WDR7: variants seen among roughly 807,000 people sequenced by gnomAD.
WDR7 encodes the protein WD repeat domain 7, also known as WD repeat-containing protein 7.
A neutral mutation model predicts 169.4 loss-of-function variants in WDR7; 46 were observed. The observed-to-expected ratio is 0.27, with a 90% CI of 0.21 to 0.35. The LOEUF (loss-of-function observed/expected upper bound fraction) is 0.35, where lower values mean the gene tolerates loss of function less well. Among genes scored for constraint, WDR7 ranks in the 10% least tolerant of loss-of-function variants. The pLI, the probability that WDR7 is intolerant of heterozygous loss-of-function variation, is 1.00. For synonymous variants in WDR7, 612 were observed against 666.8 expected (o/e 0.92, Z 1.27); for missense variants, 1,534 against 1,859.3 (o/e 0.83, Z 3.22).
At chr18:56,817,558 A>T (rs1324201019) in intron 20 of WDR7, among the ~76,000 whole-genome samples, 1 of 152,092 alleles carries the variant, frequency 6.6e-6, no homozygotes, top group East Asian at 1.9e-4. Flanking sequence ...GATTTTCAAT[A>T]AAAATGAGAT....
intron 19 of WDR7, among the ~76,000 whole-genome samples, chr18:56,789,248 ATCTTTTTAATAAG>A (rs1348952992): frequency 5.9e-5 from 9 of 152,228 alleles, no homozygotes; most frequent in Non-Finnish European, 1.3e-4. Context: ...GTTTTCTTTT[ATCTTTTTAATAAG>A]TCTTGAACAT....
intron 14 of WDR7, among the ~76,000 whole-genome samples, chr18:56,751,007 C>T (rs1283312541): frequency 6.6e-6 from 1 of 152,070 alleles, no homozygotes; most frequent in Non-Finnish European, 1.5e-5. Context: ...ATTTTCTCTC[C>T]TTTTTAGTCT....
intron 27 of WDR7, among the ~76,000 whole-genome samples, chr18:57,024,990 T>C (rs2048346914): frequency 6.6e-6 from 1 of 152,196 alleles, no homozygotes; most frequent in Non-Finnish European, 1.5e-5. Context: ...TTTATCAAAG[T>C]AGGGATGGCT....
chr18:56,960,525 G>GCT (rs2047324304), intron 25 of WDR7, among the ~76,000 whole-genome samples: 1 of 152,088 alleles, frequency 6.6e-6, no homozygotes, highest in African/African-American at 2.4e-5. Context: ...ATAAATATTT[G>GCT]CTAAAACATT....
rs1348718993 is a variant in WDR7, at chr18:56,724,142, C to A, written c.1774+5983C>A. Reference sequence around the variant, plus strand: ...TTTTAATATGTTTATCAGTTCTGGGCTTGTTTTTCTTGATTTGATTTTTTT... The same window carrying A: ...TTTTAATATGTTTATCAGTTCTGGGATTGTTTTTCTTGATTTGATTTTTTT... On this transcript the variant is annotated intron_variant, in intron 13 of 27. Coordinates refer to ENST00000254442, the MANE Select transcript of WDR7 (RefSeq NM_015285.3). 3.6e-5 allele frequency among the ~76,000 whole-genome samples: 5 copies of A among 137,558 alleles called. No individual in the cohort carries two copies. In the East Asian group the frequency reaches 8.7e-4, roughly 24 times the overall value. 90.2% of individuals were successfully genotyped at this position (137,558 alleles called of 152,430 possible).
chr18:56,767,410 G>A (rs974868124), intron 16 of WDR7, among the ~76,000 whole-genome samples: 2 of 152,130 alleles, frequency 1.3e-5, no homozygotes, highest in Non-Finnish European at 2.9e-5. Context: ...AAACTGCTGG[G>A]CTGCTCACTT....
At chr18:56,765,072 T>G (rs1382512284) in intron 16 of WDR7, among the ~76,000 whole-genome samples, 1 of 152,180 alleles carries the variant, frequency 6.6e-6, no homozygotes. Flanking sequence ...TCAGCATTTT[T>G]GGCTACTGTT....
chr18:56,819,933 T>C lies in WDR7; in HGVS notation c.3304+3789T>C, dbSNP rs1357081982. 3.9e-5 allele frequency among the ~76,000 whole-genome samples: 6 copies of C among 152,282 alleles called. No individual in the cohort carries two copies. The East Asian group carries it at 1.2e-3, about 29-fold the overall frequency. On this transcript the variant is annotated intron_variant, in intron 20 of 27. Transcript: ENST00000254442. Reference sequence around the variant, plus strand: ...TAACTGACATTTATAAATAACACTTTCCTATTTATAGTATGTTATTAATAG... The same window carrying C: ...TAACTGACATTTATAAATAACACTTCCCTATTTATAGTATGTTATTAATAG...
At chr18:56,928,253 C>T (rs2046833999) in intron 22 of WDR7, among the ~76,000 whole-genome samples, 1 of 152,096 alleles carries the variant, frequency 6.6e-6, no homozygotes, top group African/African-American at 2.4e-5. Flanking sequence ...TGCTTGAGCT[C>T]AGGAGTTTGA....
At chr18:56,954,919 T>C (rs2047231576) in intron 25 of WDR7, among the ~76,000 whole-genome samples, 1 of 152,184 alleles carries the variant, frequency 6.6e-6, no homozygotes, top group African/African-American at 2.4e-5. Flanking sequence ...ACTTCGTTAT[T>C]ATGTAGACAG....
At chr18:56,663,344 A>G (rs2024946156) in intron 1 of WDR7, among the ~76,000 whole-genome samples, 1 of 152,160 alleles carries the variant, frequency 6.6e-6, no homozygotes, top group Non-Finnish European at 1.5e-5. Context: ...AAAACATTAT[A>G]AAAAGCATTT....
At chr18:57,032,842 T>TATATATATATATATAC (rs1555649900), downstream of WDR7, 3 of 121,976 alleles carry the variant, frequency 2.5e-5, no homozygotes, top group South Asian at 5.3e-4. Flanking sequence ...TATATATATA[T>TATATATATATATATAC]ATACAGTGTA....
At position 56,781,669 on chromosome 18, in the gene WDR7, A is replaced by G. The variant is rs780206719; in HGVS notation, c.3190+13A>G. Reference sequence around the variant, plus strand: ...CACGTCATATCACGTAAGAGTTCTCATGCTTCTCTACAAAGCTTTGCAGGA... The same window carrying G: ...CACGTCATATCACGTAAGAGTTCTCGTGCTTCTCTACAAAGCTTTGCAGGA... On this transcript the variant is annotated intron_variant, in intron 19 of 27. Transcript: ENST00000254442. 1.9e-6 allele frequency: 3 copies of G among 1,575,728 alleles called. No individual in the cohort carries two copies. Among genetic ancestry groups the G allele is most frequent in the South Asian group, 1.2e-5 (1 of 86,096 alleles).
intron 20 of WDR7, among the ~76,000 whole-genome samples, chr18:56,854,432 C>T (rs1323004866): frequency 2.0e-5 from 3 of 152,210 alleles, no homozygotes; most frequent in Non-Finnish European, 4.4e-5. Context: ...AGCCTCCATG[C>T]CCAATCTGGG....
intron 12 of WDR7, among the ~76,000 whole-genome samples, chr18:56,705,414 A>G (rs1225910241): frequency 6.6e-6 from 1 of 152,132 alleles, no homozygotes; most frequent in African/African-American, 2.4e-5. Flanking sequence ...CAGGGAGTAC[A>G]TAGGGCACTT....
intron 12 of WDR7, among the ~76,000 whole-genome samples, chr18:56,702,318 A>G (rs115494028): frequency 0.029 from 4,365 of 152,274 alleles, 187 homozygotes; most frequent in African/African-American, 0.099. Flanking sequence ...TCCAAGATCC[A>G]GGCACTTTTT....
intron 20 of WDR7, among the ~76,000 whole-genome samples, chr18:56,865,457 A>G (rs763537448): frequency 2.0e-5 from 3 of 152,132 alleles, no homozygotes; most frequent in Non-Finnish European, 4.4e-5. Flanking sequence ...TTGATATTAC[A>G]CAGTAAACTT....
chr18:56,724,670 C>CT (rs2026403679), intron 13 of WDR7, among the ~76,000 whole-genome samples: 2 of 150,836 alleles, frequency 1.3e-5, no homozygotes, highest in South Asian at 4.2e-4. Context: ...TATAATTATA[C>CT]TTTAAGTTCT....
intron 26 of WDR7, among the ~76,000 whole-genome samples, chr18:56,986,817 C>T (rs1036045192): frequency 7.2e-5 from 11 of 152,098 alleles, no homozygotes; most frequent in African/African-American, 2.4e-4. Flanking sequence ...TGAATCTCCT[C>T]ATCATTTTTC....
Sources: allele counts gnomAD v4.1 joint callset (sites outside exome capture counted in the v4.1 genomes callset), GRCh38; gene constraint gnomAD v4.1.1; transcripts MANE v1.5; gene names NCBI Gene and HGNC (gene_info 2026-07-23, HGNC 2026-07-21).